The following EPHA6 variants were observed in gnomAD, a reference collection of about 807,000 sequenced individuals.
EPHA6 encodes the protein ephrin type-A receptor 6.
Under a neutral mutation model 112.0 loss-of-function variants are expected in EPHA6, and 50 were observed. The observed-to-expected ratio is 0.45, with a 90% CI of 0.36 to 0.56. The LOEUF (loss-of-function observed/expected upper bound fraction) is 0.56. Among genes scored for constraint, EPHA6 ranks in the 20% least tolerant of loss-of-function variants. EPHA6 has a pLI of 0.00. For missense variants in EPHA6, 1,280 were observed against 1,417.4 expected (o/e 0.90, Z 1.56); for synonymous variants, 529 against 490.7 (o/e 1.08, Z -1.03).
chr3:97,407,589 C>T (rs1432093540), intron 6 of EPHA6, among the ~76,000 whole-genome samples: 1 of 151,968 alleles, frequency 6.6e-6, no homozygotes, highest in Admixed American at 6.6e-5. Flanking sequence ...CAGTTAATTA[C>T]ATTCCCTAAT....
At chr3:97,682,469 C>T (rs2031933880) in intron 14 of EPHA6, among the ~76,000 whole-genome samples, 1 of 152,016 alleles carries the variant, frequency 6.6e-6, no homozygotes, top group African/African-American at 2.4e-5. Flanking sequence ...ATAATTGACC[C>T]TTCTACCTAT....
intron 3 of EPHA6, among the ~76,000 whole-genome samples, chr3:97,084,373 A>T (rs1446650952): frequency 6.6e-6 from 1 of 151,550 alleles, no homozygotes; most frequent in Non-Finnish European, 1.5e-5. Context: ...ACAAATACCC[A>T]TACCTCTACT....
chr3:97,199,377 G>A (rs1380139270), intron 3 of EPHA6, among the ~76,000 whole-genome samples: 1 of 152,000 alleles, frequency 6.6e-6, no homozygotes, highest in African/African-American at 2.4e-5. Flanking sequence ...CTCATCTCTG[G>A]CTGTACATTA....
chr3:97,405,105 A>T (rs980726756), intron 5 of EPHA6, 45 bp from the exon 6 acceptor site: 14 of 1,546,154 alleles, frequency 9.1e-6, no homozygotes, highest in Non-Finnish European at 1.2e-5. Flanking sequence ...GATAATGGAA[A>T]ATGATTCCTG....
intron 14 of EPHA6, among the ~76,000 whole-genome samples, chr3:97,697,934 G>A (rs2033141398): frequency 6.6e-6 from 1 of 152,190 alleles, no homozygotes; most frequent in African/African-American, 2.4e-5. Context: ...GAGAAGTGAA[G>A]TAAAATATTA....
intron 14 of EPHA6, among the ~76,000 whole-genome samples, chr3:97,666,591 C>T (rs562921237): frequency 5.7e-4 from 87 of 152,292 alleles, no homozygotes; most frequent in Admixed American, 2.0e-3. Flanking sequence ...GTGCATGTCT[C>T]TTTGTCCAAA....
At chr3:97,712,693 A>T (rs960187195) in intron 14 of EPHA6, among the ~76,000 whole-genome samples, 2 of 152,206 alleles carry the variant, frequency 1.3e-5, no homozygotes, top group Non-Finnish European at 1.5e-5. Flanking sequence ...TGAGAAATAG[A>T]TGGCAATGAA....
intron 3 of EPHA6, among the ~76,000 whole-genome samples, chr3:97,078,020 A>G (rs1390508613): frequency 2.6e-5 from 4 of 152,168 alleles, no homozygotes; most frequent in Non-Finnish European, 5.9e-5. Flanking sequence ...ACAGTGTAAT[A>G]GTGTTCCTAT....
At chr3:96,846,067 A>G (rs1396918190) in intron 1 of EPHA6, among the ~76,000 whole-genome samples, 2 of 152,052 alleles carry the variant, frequency 1.3e-5, no homozygotes, top group Non-Finnish European at 2.9e-5. Context: ...TTGTGAGCCA[A>G]ATGGGTTAAT....
rs1454800833 is a variant in EPHA6 at position 96,903,675 on chromosome 3, A to G, written c.450+36786A>G. Among the ~76,000 whole-genome samples, 4 of 152,142 alleles carry G rather than the reference A, an allele frequency of 2.6e-5. No homozygotes were observed. In the East Asian group the frequency reaches 5.8e-4, roughly 22 times the overall value. ...AATAGTTTTGCAATCTAGGCAACCT[A>G]CGGAATGGGAGAAAATTTTTGCAAC... On this transcript the variant is annotated intron_variant, in intron 2 of 17. Coordinates refer to ENST00000389672, the MANE Select transcript of EPHA6 (RefSeq NM_001080448.3).
At chr3:97,598,405 T>C (rs1348309217) in intron 12 of EPHA6, among the ~76,000 whole-genome samples, 3 of 115,998 alleles carry the variant, frequency 2.6e-5, no homozygotes, top group African/African-American at 9.8e-5. Flanking sequence ...CCCAATGCTA[T>C]CCCTCCCCCC....
At chr3:97,502,017 A>G (rs2092130373) in intron 10 of EPHA6, among the ~76,000 whole-genome samples, 1 of 151,894 alleles carries the variant, frequency 6.6e-6, no homozygotes, top group Admixed American at 6.6e-5. Flanking sequence ...AGACAAGATG[A>G]TGGATCCTCA....
intron 5 of EPHA6, among the ~76,000 whole-genome samples, chr3:97,366,704 T>C (rs1305752199): frequency 1.3e-5 from 2 of 152,136 alleles, no homozygotes; most frequent in African/African-American, 2.4e-5. Context: ...AAAAAGTGTA[T>C]GTTTGGAAAA....
intron 10 of EPHA6, among the ~76,000 whole-genome samples, chr3:97,527,674 G>A (rs916308252): frequency 6.6e-6 from 1 of 151,962 alleles, no homozygotes; most frequent in Non-Finnish European, 1.5e-5. Context: ...CCACATAGGG[G>A]TTGCATTTGG....
chr3:96,949,935 C>A (rs919100496), intron 2 of EPHA6, among the ~76,000 whole-genome samples: 5 of 152,100 alleles, frequency 3.3e-5, no homozygotes, highest in Non-Finnish European at 7.4e-5. Context: ...TAACATTAAA[C>A]CTTTTGTGTT....
At chr3:97,593,504 G>A (rs1372354229) in intron 12 of EPHA6, among the ~76,000 whole-genome samples, 2 of 152,026 alleles carry the variant, frequency 1.3e-5, no homozygotes, top group Non-Finnish European at 2.9e-5. Flanking sequence ...TTGGAGTTTT[G>A]AAATCATAAT....
At chr3:96,973,910 A>G (rs1353671746) in intron 2 of EPHA6, among the ~76,000 whole-genome samples, 1 of 146,244 alleles carries the variant, frequency 6.8e-6, no homozygotes, top group Non-Finnish European at 1.5e-5. Flanking sequence ...ATATGATATA[A>G]TAGATTCTGT....
intron 9 of EPHA6, chr3:97,481,394 T>C: frequency 6.7e-7 from 1 of 1,487,390 alleles, no homozygotes; most frequent in Non-Finnish European, 9.4e-7. Context: ...CTGAAATTTT[T>C]TGCTGTGGGT....
At chr3:96,944,315 A>G (rs1027612389) in intron 2 of EPHA6, among the ~76,000 whole-genome samples, 1 of 151,632 alleles carries the variant, frequency 6.6e-6, no homozygotes, top group African/African-American at 2.4e-5. Context: ...TGTATCACTT[A>G]TATATTTCCC....
Sources: gnomAD v4.1 joint callset for allele counts (sites outside exome capture counted in the v4.1 genomes callset) on GRCh38, gnomAD v4.1.1 for gene constraint, MANE v1.5 for transcripts, NCBI Gene and HGNC (gene_info 2026-07-23, HGNC 2026-07-21) for gene names.